CHD6: variants seen among roughly 807,000 people sequenced by gnomAD.
CHD6 encodes ATP-dependent chromatin remodeler CHD6.
A neutral mutation model predicts 276.9 loss-of-function variants in CHD6; 50 were observed. The ratio of observed to expected loss-of-function variants is 0.18; its 90% CI spans 0.14 to 0.23. The LOEUF (loss-of-function observed/expected upper bound fraction) is 0.23, where lower values mean the gene tolerates loss of function less well. Ranked by LOEUF, CHD6 falls within the 10% of genes least tolerant of loss-of-function variation. The pLI, the probability that CHD6 is intolerant of heterozygous loss-of-function variation, is 1.00. For missense variants in CHD6, 2,564 were observed against 3,365.8 expected, an observed-to-expected ratio of 0.76 and a Z score of 5.89; for synonymous variants, 1,173 against 1,229.3, an observed-to-expected ratio of 0.95 and a Z score of 0.96.
rs899756533 is a variant in CHD6, at chr20:41,450,981, A to G, written c.3648T>C (p.Asp1216=). 3.1e-6 allele frequency: 5 copies of G among 1,613,786 alleles called. No homozygotes were observed. The highest frequency in any genetic ancestry group is 1.3e-5 in the African/African-American group (1 of 74,944). The change falls in exon 23 of 37, where the codon GAT becomes GAC. Residue 1216 remains aspartate, a synonymous_variant. Coordinates refer to ENST00000373233, the MANE Select transcript of CHD6 (RefSeq NM_032221.5). Reference sequence around the variant, plus strand: ...GCTGTTTGAGGTGTTTCTTATAGCCATCATCATGCAAGACCACCTCGGGGT... The same window carrying G: ...GCTGTTTGAGGTGTTTCTTATAGCCGTCATCATGCAAGACCACCTCGGGGT... ...TCNPEVVLHD[D]GYKKHLKQHC...
intron 1 of CHD6, among the ~76,000 whole-genome samples, chr20:41,610,714 C>T (rs560900747): frequency 1.3e-5 from 2 of 151,894 alleles, no homozygotes; most frequent in South Asian, 2.1e-4. Flanking sequence ...GCTGAGATCG[C>T]GCCACTGCAC....
intron 20 of CHD6, among the ~76,000 whole-genome samples, chr20:41,453,645 C>T (rs1370923329): frequency 1.3e-5 from 2 of 152,140 alleles, no homozygotes; most frequent in African/African-American, 4.8e-5. Flanking sequence ...CCGTGCTTCC[C>T]AACACGGAAG....
intron 1 of CHD6, among the ~76,000 whole-genome samples, chr20:41,617,280 T>C (rs550446878): frequency 6.6e-6 from 1 of 151,910 alleles, no homozygotes; most frequent in Non-Finnish European, 1.5e-5. Context: ...GAGAACAGGG[T>C]CCTACGAGCT....
chr20:41,483,476 G>A lies in CHD6; in HGVS notation c.2301C>T (p.Ser767=). The A allele has an allele frequency of 6.2e-7, 1 of 1,613,348 alleles. No homozygotes were observed. The highest frequency in any genetic ancestry group is 8.5e-7 in the Non-Finnish European group (1 of 1,179,742). Residue 767 remains serine, a synonymous_variant, in exon 16 of 37, where the codon AGC becomes AGT. Coordinates refer to ENST00000373233, the MANE Select transcript of CHD6 (RefSeq NM_032221.5). ...GCAGCTGAAAGTCAGGGGCATCAGG[G>A]CTGTGGGTTTTTCGGAAATCTTCTA... is the stretch of plus-strand genomic sequence containing the variant. ...KILEDFRKTH[S]PDAPDFQLQA...
intron 17 of CHD6, among the ~76,000 whole-genome samples, chr20:41,462,420 G>A (rs1049876004): frequency 5.9e-5 from 9 of 152,170 alleles, no homozygotes; most frequent in African/African-American, 2.2e-4. Flanking sequence ...GATATATCCT[G>A]CTAAGTATGT....
At chr20:41,522,838 C>T (rs1401521153) in intron 3 of CHD6, among the ~76,000 whole-genome samples, 1 of 152,098 alleles carries the variant, frequency 6.6e-6, no homozygotes, top group Non-Finnish European at 1.5e-5. Context: ...TATAAAAGAG[C>T]TCTGGCAGAA....
intron 1 of CHD6, among the ~76,000 whole-genome samples, chr20:41,600,273 A>G (rs907201560): frequency 6.6e-6 from 1 of 152,254 alleles, no homozygotes; most frequent in African/African-American, 2.4e-5. Context: ...CATATGTTAT[A>G]ATCAATGCCT....
At chr20:41,424,958 T>A (rs2047314271) in intron 29 of CHD6, among the ~76,000 whole-genome samples, 1 of 152,172 alleles carries the variant, frequency 6.6e-6, no homozygotes, top group Non-Finnish European at 1.5e-5. Flanking sequence ...TAGAAAATCA[T>A]AAAAATCTGG....
rs1216161870 is a variant in CHD6 at position 41,473,403 on chromosome 20, C to T, written c.2583G>A (p.Ala861=). The T allele has an allele frequency of 1.4e-5, 22 of 1,614,086 alleles. No homozygotes were observed. Among genetic ancestry groups the T allele is most frequent in the Non-Finnish European group, 1.8e-5 (21 of 1,180,000 alleles). The change falls in exon 17 of 37, where the codon GCG becomes GCA. Residue 861 remains alanine (A), a synonymous_variant. Coordinates refer to ENST00000373233, the MANE Select transcript of CHD6 (RefSeq NM_032221.5). This position sits in a 1 kb window ranked among gnomAD's most constrained non-coding sequence, Gnocchi z 4.1. ...DRFVFLLCTR[A]GGLGINLTAA... ...CTGTGAGATTGATCCCCAGGCCTCC[C>T]GCTCTGGTGCACAGAAGAAAGACAA...
At chr20:41,530,674 A>G (rs562970039) in intron 3 of CHD6, among the ~76,000 whole-genome samples, 31 of 152,348 alleles carry the variant, frequency 2.0e-4, no homozygotes, top group African/African-American at 7.2e-4. Context: ...TTTTACAAAG[A>G]TATAAAAGAG....
chr20:41,566,472 A>C (rs1265550112), intron 1 of CHD6, among the ~76,000 whole-genome samples: 2 of 152,064 alleles, frequency 1.3e-5, no homozygotes, highest in Non-Finnish European at 2.9e-5. Context: ...CTGAAACTGG[A>C]AAGACCTCCA....
At chr20:41,410,495 A>G (rs1240437478) in intron 36 of CHD6, among the ~76,000 whole-genome samples, 1 of 152,208 alleles carries the variant, frequency 6.6e-6, no homozygotes, top group Non-Finnish European at 1.5e-5. Flanking sequence ...ATGGCAAAGA[A>G]AAAGGGTACA....
chr20:41,429,519 C>T (rs901841457), intron 27 of CHD6, among the ~76,000 whole-genome samples: 1 of 151,974 alleles, frequency 6.6e-6, no homozygotes, highest in African/African-American at 2.4e-5. Flanking sequence ...CTCTGGAAGG[C>T]GCTGGAATAG....
intron 17 of CHD6, among the ~76,000 whole-genome samples, chr20:41,465,633 G>C (rs1452640845): frequency 1.3e-5 from 2 of 152,136 alleles, no homozygotes; most frequent in East Asian, 3.9e-4. Flanking sequence ...CTGTAGATTA[G>C]TTAAAGAGTA....
chr20:41,528,528 T>C (rs1471575896), intron 3 of CHD6, among the ~76,000 whole-genome samples: 1 of 152,216 alleles, frequency 6.6e-6, no homozygotes, highest in South Asian at 2.1e-4. Context: ...TGAAGGAGCT[T>C]TCTTTCTTGC....
At chr20:41,591,379 T>TACACACAC (rs201725894) in intron 1 of CHD6, among the ~76,000 whole-genome samples, 11 of 144,188 alleles carry the variant, frequency 7.6e-5, no homozygotes, top group African/African-American at 2.8e-4. Flanking sequence ...TATATATATA[T>TACACACAC]ACACACACAC....
chr20:41,618,189 C>G (rs1217638941), intron 1 of CHD6, among the ~76,000 whole-genome samples, 151 bp downstream of exon 1: 1 of 151,098 alleles, frequency 6.6e-6, no homozygotes, highest in Non-Finnish European at 1.5e-5. Context: ...GACCCCAGCC[C>G]GGCCGGGCCT....
chr20:41,450,087 T>G (rs1312477644), intron 23 of CHD6, among the ~76,000 whole-genome samples: 3 of 152,022 alleles, frequency 2.0e-5, no homozygotes, highest in Non-Finnish European at 4.4e-5. Context: ...TTTGAGGTGA[T>G]CAAGGGAAAG....
In CHD6 at chr20:41,455,795, T is replaced by C. The variant is rs1379714022; in HGVS notation, c.3009+5A>G. 1.3e-6 allele frequency: 2 copies of C among 1,577,428 alleles called. No homozygotes were observed. Among genetic ancestry groups the C allele is most frequent in the Non-Finnish European group, 8.6e-7 (1 of 1,163,468 alleles). On this transcript the variant is annotated splice_donor_5th_base_variant and intron_variant, in intron 19 of 36. Transcript: ENST00000373233. Reference sequence around the variant, plus strand: ...CCCAACAGCTCTGGAGAGAAGGCCCTGTACCTTGGCAAAAGTGGACCCTTT... The same window carrying C: ...CCCAACAGCTCTGGAGAGAAGGCCCCGTACCTTGGCAAAAGTGGACCCTTT...
Sources: gnomAD v4.1 joint callset for allele counts (sites outside exome capture counted in the v4.1 genomes callset) on GRCh38, gnomAD v4.1.1 for gene constraint, Gnocchi (gnomAD v3.1) non-coding constraint, MANE v1.5 for transcripts, NCBI Gene and HGNC (gene_info 2026-07-23, HGNC 2026-07-21) for gene names.